CCDC33: variants seen among roughly 807,000 people sequenced by gnomAD.
The protein encoded by CCDC33 is coiled-coil domain containing 33, also known as coiled-coil domain-containing protein 33.
Under a neutral mutation model 91.9 loss-of-function variants are expected in CCDC33, and 94 were observed. The observed-to-expected ratio is 1.02, with a 90% CI of 0.87 to 1.21. The LOEUF (loss-of-function observed/expected upper bound fraction) is 1.21, where lower values mean the gene tolerates loss of function less well. Ranked by LOEUF, CCDC33 falls within the 50% of genes most tolerant of loss-of-function variation. The probability of loss-of-function intolerance (pLI) is 0.00; values close to 1 mark genes in which losing one functional copy is unlikely to be tolerated. For missense variants in CCDC33, 940 were observed against 935.5 expected, an observed-to-expected ratio of 1.00 and a Z score of -0.06; for synonymous variants, 396 against 374.5, an observed-to-expected ratio of 1.06 and a Z score of -0.66.
downstream of CCDC33, chr15:74,336,320 G>A: frequency 7.2e-7 from 1 of 1,390,496 alleles, no homozygotes; most frequent in Non-Finnish European, 9.5e-7. Context: ...GAGAGAAGAG[G>A]CCTTCCAAAG....
intron 1 of CCDC33, among the ~76,000 whole-genome samples, chr15:74,242,989 C>T (rs2142264177): frequency 6.6e-6 from 1 of 152,340 alleles, no homozygotes; most frequent in Middle Eastern, 3.4e-3. Context: ...CTCCTCCCTG[C>T]TGTCTTCCCT....
At position 74,253,373 on chromosome 15, in the gene CCDC33, G is replaced by T. The variant is rs563719828; in HGVS notation, c.186-9067G>T. 2.6e-5 allele frequency among the ~76,000 whole-genome samples: 4 copies of T among 152,330 alleles called. No homozygotes were observed. In the South Asian group the frequency reaches 8.3e-4, roughly 32 times the overall value. On this transcript the variant is annotated intron_variant, in intron 2 of 18. Coordinates refer to ENST00000398814, the MANE Select transcript of CCDC33 (RefSeq NM_025055.5). The stretch of plus-strand genomic sequence containing the variant: ...GGTCACATGCCACAGGGTCTAGCTT[G>T]TAGTGGAGTGAGGGAGGCCATTGAG...
chr15:74,274,778 G>A (rs990544494), intron 7 of CCDC33, among the ~76,000 whole-genome samples: 43 of 152,358 alleles, frequency 2.8e-4, no homozygotes, highest in Non-Finnish European at 1.0e-4. Flanking sequence ...TAACTAGTCT[G>A]GGTAGGAGAG....
At chr15:74,234,233 T>C (rs1461375786), upstream of CCDC33, among the ~76,000 whole-genome samples, 3 of 152,218 alleles carry the variant, frequency 2.0e-5, no homozygotes, top group Admixed American at 6.5e-5. Flanking sequence ...CCTAGTGATA[T>C]AGCTCCAAGT....
intron 1 of CCDC33, 125 bp downstream of exon 1, chr15:74,236,865 C>T (rs1052171718): frequency 2.1e-6 from 2 of 951,328 alleles, no homozygotes; most frequent in Non-Finnish European, 3.2e-6. Context: ...TCAGTTTTCA[C>T]AGCTGTGAAA....
intron 2 of CCDC33, among the ~76,000 whole-genome samples, chr15:74,248,337 T>C (rs2075601460): frequency 6.6e-6 from 1 of 151,436 alleles, no homozygotes; most frequent in African/African-American, 2.4e-5. Context: ...TATATATAAG[T>C]TTACATTCTT....
At chr15:74,271,885 C>T (rs997333102) in intron 6 of CCDC33, 91 bp downstream of exon 6, 13 of 1,145,520 alleles carry the variant, frequency 1.1e-5, no homozygotes, top group African/African-American at 3.1e-5. Context: ...GGGCTGATTC[C>T]AGGACCTCCG....
In CCDC33 at chr15:74,280,682, C is replaced by T; in HGVS notation, c.904C>T (p.Pro302Ser). The T allele has an allele frequency of 6.6e-7, 1 of 1,510,200 alleles. No individual in the cohort carries two copies. Among genetic ancestry groups the T allele is most frequent in the Non-Finnish European group, 8.9e-7 (1 of 1,128,018 alleles). The allele number at this position is 1,510,200 out of a possible 1,614,324, so 93.5% of individuals were successfully genotyped here. The stretch of plus-strand genomic sequence containing the variant: ...TTCCCCCACAGTGAAAGGCAGCCAG[C>T]CGTGGACCCTCAACCAGCCCCTGGG... ...YSSTSMKGSQPWTLNQPLGIS... is the reference protein window; with the variant it reads ...YSSTSMKGSQSWTLNQPLGIS... The change falls in exon 9 of 19, where the codon CCG (proline) becomes TCG (serine). Residue 302 changes from proline to serine, a missense_variant. Physicochemically the swap from Pro to Ser is moderately conservative, Grantham distance 74. Transcript: ENST00000398814.
At chr15:74,227,129 G>GGTAA (rs1267599347) in intron 2 of CCDC33, among the ~76,000 whole-genome samples, 1 of 152,188 alleles carries the variant, frequency 6.6e-6, no homozygotes, top group African/African-American at 2.4e-5. Context: ...AGGTAGGCAG[G>GGTAA]GTAACCTTGA....
intron 11 of CCDC33, among the ~76,000 whole-genome samples, chr15:74,324,123 C>T (rs537879593): frequency 1.3e-5 from 2 of 149,326 alleles, no homozygotes; most frequent in African/African-American, 4.9e-5. Flanking sequence ...GTGTGAGCCA[C>T]TGTGCCTGAC....
At chr15:74,256,648 C>CA (rs1340509101) in intron 2 of CCDC33, among the ~76,000 whole-genome samples, 3 of 152,214 alleles carry the variant, frequency 2.0e-5, no homozygotes, top group Non-Finnish European at 4.4e-5. Context: ...CACGGCATGA[C>CA]ACTCCAAAGG....
At chr15:74,222,661 T>G (rs1218759554) in intron 2 of CCDC33, among the ~76,000 whole-genome samples, 1 of 151,870 alleles carries the variant, frequency 6.6e-6, no homozygotes, top group East Asian at 1.9e-4. Context: ...GGATTCTGAT[T>G]GTGAATTTGG....
chr15:74,245,684 G>A (rs1252487441), intron 2 of CCDC33, among the ~76,000 whole-genome samples: 1 of 152,058 alleles, frequency 6.6e-6, no homozygotes, highest in Non-Finnish European at 1.5e-5. Context: ...GCCTGGGTGG[G>A]GGTTCGGAGA....
intron 2 of CCDC33, among the ~76,000 whole-genome samples, chr15:74,220,778 GGA>G (rs1490711079): frequency 6.6e-6 from 1 of 152,184 alleles, no homozygotes; most frequent in Non-Finnish European, 1.5e-5. Context: ...GAGAGTGGGG[GGA>G]GAGTCAGCAA....
chr15:74,208,074 G>A, intron 1 of CCDC33: 2 of 1,239,728 alleles, frequency 1.6e-6, no homozygotes, highest in Non-Finnish European at 2.0e-6. Flanking sequence ...AGACCAGGCT[G>A]TTCTGGTATG....
At chr15:74,267,224 A>T (rs1051768118) in intron 4 of CCDC33, among the ~76,000 whole-genome samples, 1 of 152,130 alleles carries the variant, frequency 6.6e-6, no homozygotes, top group Non-Finnish European at 1.5e-5. Context: ...TGGGGAGAAA[A>T]ATCTCCTCCT....
At chr15:74,264,754 C>T (rs2076124345) in intron 3 of CCDC33, among the ~76,000 whole-genome samples, 1 of 152,162 alleles carries the variant, frequency 6.6e-6, no homozygotes, top group African/African-American at 2.4e-5. Flanking sequence ...AGCATTTGCA[C>T]AGAATGTTAC....
At chr15:74,290,777 G>T (rs1179034875) in intron 10 of CCDC33, among the ~76,000 whole-genome samples, 1 of 152,114 alleles carries the variant, frequency 6.6e-6, no homozygotes, top group Non-Finnish European at 1.5e-5. Context: ...GCAGGGTGAG[G>T]GCTTTATCAT....
At chr15:74,309,635 G>A (rs1038258488) in intron 11 of CCDC33, among the ~76,000 whole-genome samples, 1 of 152,118 alleles carries the variant, frequency 6.6e-6, no homozygotes, top group Non-Finnish European at 1.5e-5. Context: ...AGTGGGGAGT[G>A]AAGAGTACAG....
Sources: gnomAD v4.1 joint callset for allele counts (sites outside exome capture counted in the v4.1 genomes callset) on GRCh38, gnomAD v4.1.1 for gene constraint, MANE v1.5 for transcripts, NCBI Gene and HGNC (gene_info 2026-07-23, HGNC 2026-07-21) for gene names.